Variants in PCDH15 observed in about 807,000 individuals in gnomAD.
PCDH15 encodes the protein protocadherin related 15, also known as protocadherin-15.
PCDH15 carries 129 observed loss-of-function variants against 178.5 expected under a neutral mutation model. That is an observed-to-expected ratio of 0.72 (90% confidence interval 0.63 to 0.84). PCDH15 has a LOEUF of 0.84. Ranked by LOEUF, PCDH15 falls within the 40% of genes least tolerant of loss-of-function variation. PCDH15 has a pLI of 0.00. For synonymous variants in PCDH15, 800 were observed against 732.0 expected (o/e 1.09, Z -1.50); for missense variants, 2,230 against 2,099.9 (o/e 1.06, Z -1.21).
At chr10:55,020,570 T>C (rs1840302443) in intron 2 of PCDH15, among the ~76,000 whole-genome samples, 1 of 152,186 alleles carries the variant, frequency 6.6e-6, no homozygotes, top group Non-Finnish European at 1.5e-5. Flanking sequence ...TTTTTTCATT[T>C]ATCCTTAGAT....
chr10:54,721,809 C>A (rs2132512241), intron 1 of PCDH15, among the ~76,000 whole-genome samples: 1 of 151,944 alleles, frequency 6.6e-6, no homozygotes, highest in African/African-American at 2.4e-5. Context: ...AGCCAATACT[C>A]ATTTTACTGA....
At chr10:53,841,396 A>T (rs940277098) in intron 28 of PCDH15, among the ~76,000 whole-genome samples, 1 of 152,112 alleles carries the variant, frequency 6.6e-6, no homozygotes, top group South Asian at 2.1e-4. Flanking sequence ...TAGGGGGAGA[A>T]GGGCAATATA....
At chr10:55,357,860 G>GTGTTT (rs1845119276) in intron 2 of PCDH15, among the ~76,000 whole-genome samples, 1 of 152,082 alleles carries the variant, frequency 6.6e-6, no homozygotes, top group East Asian at 1.9e-4. Context: ...ATACATTTCA[G>GTGTTT]TGTTTCCCAA....
chr10:54,799,877 A>G (rs1273699387), intron 1 of PCDH15, among the ~76,000 whole-genome samples: 3 of 152,166 alleles, frequency 2.0e-5, no homozygotes, highest in African/African-American at 7.2e-5. Flanking sequence ...AACAGTTCAC[A>G]TGAGCATATA....
intron 2 of PCDH15, among the ~76,000 whole-genome samples, chr10:55,102,621 G>C (rs557121403): frequency 2.0e-5 from 3 of 152,136 alleles, no homozygotes; most frequent in African/African-American, 7.2e-5. Flanking sequence ...GTAATTGACT[G>C]CAGATAAGTG....
At chr10:54,201,110 C>T (rs2050189762) in intron 10 of PCDH15, among the ~76,000 whole-genome samples, 1 of 152,136 alleles carries the variant, frequency 6.6e-6, no homozygotes, top group Non-Finnish European at 1.5e-5. Context: ...GTACCGAAAA[C>T]AAGAAACTTG....
At chr10:54,446,158 TA>T (rs1004556003) in intron 3 of PCDH15, among the ~76,000 whole-genome samples, 51 of 151,728 alleles carry the variant, frequency 3.4e-4, no homozygotes, top group African/African-American at 1.2e-3. Flanking sequence ...CACAAAACAT[TA>T]GAGTTGCAAT....
chr10:53,929,278 T>A (rs533190511), intron 25 of PCDH15, among the ~76,000 whole-genome samples: 98 of 152,232 alleles, frequency 6.4e-4, no homozygotes, highest in Non-Finnish European at 1.3e-3. Context: ...CAGACAATTT[T>A]ATGCTATGAG....
chr10:54,570,831 T>TTTA (rs2089733708), intron 2 of PCDH15, among the ~76,000 whole-genome samples: 1 of 150,488 alleles, frequency 6.6e-6, no homozygotes, highest in African/African-American at 2.4e-5. Context: ...TTTTTTTTCT[T>TTTA]TTTTTTTTGT....
intron 2 of PCDH15, among the ~76,000 whole-genome samples, chr10:55,074,581 AATTT>A (rs1375320649): frequency 4.0e-5 from 6 of 151,474 alleles, no homozygotes; most frequent in African/African-American, 1.5e-4. Flanking sequence ...TTTTTTTGTA[AATTT>A]ATTTAAGTTT....
intron 2 of PCDH15, among the ~76,000 whole-genome samples, chr10:55,404,749 T>C (rs1483521674): frequency 6.6e-6 from 1 of 151,904 alleles, no homozygotes; most frequent in Non-Finnish European, 1.5e-5. Flanking sequence ...GCTTAATTTG[T>C]GTATTTTAAT....
chr10:54,776,619 A>G (rs1461358257), intron 1 of PCDH15, among the ~76,000 whole-genome samples: 1 of 152,214 alleles, frequency 6.6e-6, no homozygotes, highest in Non-Finnish European at 1.5e-5. Flanking sequence ...ATGATATAAG[A>G]TACCATGGAA....
At chr10:54,304,706 G>C (rs1056099123) in intron 8 of PCDH15, among the ~76,000 whole-genome samples, 1 of 152,066 alleles carries the variant, frequency 6.6e-6, no homozygotes, top group Non-Finnish European at 1.5e-5. Flanking sequence ...CTGATTGGCT[G>C]TGTGAAAAAT....
At chr10:54,619,774 A>G (rs556697427) in intron 2 of PCDH15, among the ~76,000 whole-genome samples, 7 of 152,004 alleles carry the variant, frequency 4.6e-5, no homozygotes, top group Non-Finnish European at 4.4e-5. Context: ...GACCAAATTT[A>G]CACTATTTTT....
At chr10:55,039,925 A>G (rs1203654674) in intron 2 of PCDH15, among the ~76,000 whole-genome samples, 1 of 152,140 alleles carries the variant, frequency 6.6e-6, no homozygotes, top group Non-Finnish European at 1.5e-5. Context: ...AAAACAAACA[A>G]ACAAAAAAAC....
rs779149856 is a variant in PCDH15, at chr10:53,827,448, G to A, written c.4312C>T (p.Pro1438Ser). 8.1e-6 allele frequency: 13 copies of A among 1,613,110 alleles called. No homozygotes were observed. Among genetic ancestry groups the A allele is most frequent in the East Asian group, 2.2e-5 (1 of 44,858 alleles). The part of the protein sequence containing the change: ...APAPVAAPPP[P>S]PPPPPGAHLY... ...TGCGCACCTGGCGGAGGCGGCGGCG[G>A]CGGCGGGGGCGCTGCCACTGGTGCA... Residue 1438 changes from proline (P) to serine (S), a missense_variant, in exon 32 of 38, where the codon CCG becomes TCG. Coordinates refer to ENST00000644397, the MANE Select transcript of PCDH15 (RefSeq NM_001384140.1).
intron 9 of PCDH15, among the ~76,000 whole-genome samples, chr10:54,218,905 A>C (rs2052405668): frequency 1.3e-5 from 2 of 152,218 alleles, no homozygotes; most frequent in South Asian, 4.1e-4. Context: ...TTCTCAATAA[A>C]TGAATCACAA....
chr10:54,037,676 G>A (rs74923964), intron 18 of PCDH15, among the ~76,000 whole-genome samples: 67 of 151,946 alleles, frequency 4.4e-4, no homozygotes, highest in African/African-American at 1.4e-3. Flanking sequence ...GTATTACTGT[G>A]GTCTGGAAGA....
intron 1 of PCDH15, among the ~76,000 whole-genome samples, chr10:55,210,407 T>A (rs1268833875): frequency 6.6e-6 from 1 of 151,768 alleles, no homozygotes; most frequent in South Asian, 2.1e-4. Context: ...ACTGAAGTAT[T>A]TGAGGAAAGT....
Sources: allele counts gnomAD v4.1 joint callset (sites outside exome capture counted in the v4.1 genomes callset), GRCh38; gene constraint gnomAD v4.1.1; transcripts MANE v1.5; gene names NCBI Gene and HGNC (gene_info 2026-07-23, HGNC 2026-07-21).